SYCP1: variants seen among roughly 807,000 people sequenced by gnomAD.
The protein encoded by SYCP1 is synaptonemal complex protein 1, also known as cancer/testis antigen 8.
SYCP1 carries 64 observed loss-of-function variants against 153.1 expected under a neutral mutation model. That is an observed-to-expected ratio of 0.42 (90% CI 0.34 to 0.51). SYCP1 has a LOEUF of 0.51. Among genes scored for constraint, SYCP1 ranks in the 20% least tolerant of loss-of-function variants. The pLI is 0.06. For synonymous variants in SYCP1, 384 were observed against 341.8 expected, an observed-to-expected ratio of 1.12 and a Z score of -1.36; for missense variants, 997 against 1,049.0, an observed-to-expected ratio of 0.95 and a Z score of 0.68.
In SYCP1 at chr1:114,926,723, C is replaced by T. The variant is rs192931478; in HGVS notation, c.1926+160C>T. Among the ~76,000 whole-genome samples, 14 of 152,094 alleles carry T rather than the reference C, an allele frequency of 9.2e-5. No homozygotes were observed. The East Asian group carries it at 2.5e-3, about 27-fold the overall frequency. On this transcript the variant is annotated intron_variant, in intron 23 of 31. Coordinates refer to ENST00000369522, the MANE Select transcript of SYCP1 (RefSeq NM_003176.4). The stretch of plus-strand genomic sequence containing the variant: ...TATCTTTTTAAATAGAGGAGATCAA[C>T]TCTTTTAGTTGTAATAGAGTACACA...
chr1:114,933,808 G>A lies in SYCP1; in HGVS notation c.1926+7245G>A, dbSNP rs12070965. Among the ~76,000 whole-genome samples the A allele has an allele frequency of 3.8e-3, 583 of 152,304 alleles. 6 individuals are homozygous for A. The highest frequency in any genetic ancestry group is 0.013 in the African/African-American group (548 of 41,560). ...CGATCAAGTGGAAGAAAGGGTATCA[G>A]TGATTGAAGATCAAATGAATGAAAT... On this transcript the variant is annotated intron_variant, in intron 23 of 31. Coordinates refer to ENST00000369522, the MANE Select transcript of SYCP1 (RefSeq NM_003176.4).
intron 28 of SYCP1, among the ~76,000 whole-genome samples, chr1:114,978,130 A>G (rs555375531): frequency 1.3e-5 from 2 of 151,736 alleles, no homozygotes; most frequent in African/African-American, 2.4e-5. Flanking sequence ...AAAAGTATCA[A>G]TATTTTAAAT....
chr1:114,915,246 T>C (rs1371245038), intron 20 of SYCP1, among the ~76,000 whole-genome samples: 1 of 152,210 alleles, frequency 6.6e-6, no homozygotes, highest in Non-Finnish European at 1.5e-5. Flanking sequence ...GTTGTTTTTT[T>C]GTATTTCTTT....
At chr1:114,944,566 A>G in intron 24 of SYCP1, 111 bp downstream of exon 24, 1 of 700,130 alleles carries the variant, frequency 1.4e-6, no homozygotes, top group East Asian at 3.0e-5. Context: ...AATTTTAGAA[A>G]AGGGTTAGTA....
chr1:114,875,790 A>AT (rs1281389439), intron 9 of SYCP1, among the ~76,000 whole-genome samples: 1 of 152,214 alleles, frequency 6.6e-6, no homozygotes, highest in East Asian at 1.9e-4. Flanking sequence ...ACAGATTTTG[A>AT]TACATGCTAT....
At chr1:114,859,062 T>C (rs1343157850) in intron 6 of SYCP1, among the ~76,000 whole-genome samples, 1 of 152,150 alleles carries the variant, frequency 6.6e-6, no homozygotes. Context: ...GGTAACACTT[T>C]AAATTTGAAA....
intron 16 of SYCP1, among the ~76,000 whole-genome samples, chr1:114,896,828 A>G (rs1667098923): frequency 6.6e-6 from 1 of 152,242 alleles, no homozygotes; most frequent in African/African-American, 2.4e-5. Context: ...GGTTCTTGTC[A>G]CATGACCAGG....
At chr1:114,894,235 T>C (rs949347082) in intron 15 of SYCP1, among the ~76,000 whole-genome samples, 1 of 152,134 alleles carries the variant, frequency 6.6e-6, no homozygotes, top group Non-Finnish European at 1.5e-5. Flanking sequence ...GATTCTATAT[T>C]GACATTTTAT....
intron 8 of SYCP1, among the ~76,000 whole-genome samples, chr1:114,868,095 C>G (rs1008305511): frequency 1.3e-5 from 2 of 151,256 alleles, no homozygotes; most frequent in Non-Finnish European, 2.9e-5. Flanking sequence ...ACCTTGACTG[C>G]ATCCCATTTG....
chr1:114,857,516 CATATTAAATTTCTTGTA>C lies in SYCP1; in HGVS notation c.291+22_291+38del, dbSNP rs1664083045. 6.4e-7 allele frequency: 1 copy of C among 1,562,456 alleles called. No individual in the cohort carries two copies. The highest frequency in any genetic ancestry group is 8.7e-7 in the Non-Finnish European group (1 of 1,149,950). On this transcript the variant is annotated intron_variant, in intron 5 of 31. Transcript: ENST00000369522. ...TTTGGAGGTCAGAAGATTTCCCATT[CATATTAAATTTCTTGTA>C]ATTGGAATATAACTTATTACCTATA...
intron 15 of SYCP1, among the ~76,000 whole-genome samples, chr1:114,893,420 C>T (rs1234866927): frequency 6.6e-6 from 1 of 151,826 alleles, no homozygotes; most frequent in Non-Finnish European, 1.5e-5. Context: ...TTTGTTTCTC[C>T]CTTGCTAATT....
chr1:114,910,573 G>A (rs927849592), intron 17 of SYCP1, 72 bp downstream of exon 17: 3 of 944,838 alleles, frequency 3.2e-6, no homozygotes, highest in East Asian at 3.2e-5. Context: ...TATGGTATAA[G>A]TATTTCTTTT....
rs560664612 is a variant in SYCP1, at chr1:114,969,411, G to A, written c.2323-8146G>A. Among the ~76,000 whole-genome samples the A allele has an allele frequency of 3.3e-5, 5 of 152,236 alleles. No homozygotes were observed. In the South Asian group the frequency reaches 6.2e-4, roughly 19 times the overall value. On this transcript the variant is annotated intron_variant, in intron 27 of 31. Transcript: ENST00000369522. ...TGCTGTGGTGGGCTCTGCTTAGTTC[G>A]AACTTCCCTGTGGCTTTGTTTACAC...
rs368110669 is a variant in SYCP1 at position 114,858,568 on chromosome 1, G to C, written c.313G>C (p.Val105Leu). The change falls in exon 6 of 32, where the codon GTG (valine) becomes CTG (leucine). Residue 105 changes from valine (V) to leucine (L), a missense_variant. Transcript: ENST00000369522. ...DLENSEGLSR[V>L]YSKLYKEAEK... ...ATAGAATTCAGAGGGATTGAGCAGA[G>C]TGTATTCAAAACTGTATAAGGAGGC... 3 of 1,604,196 alleles carry C rather than the reference G, an allele frequency of 1.9e-6. No individual in the cohort carries two copies. The highest frequency in any genetic ancestry group is 2.6e-6 in the Non-Finnish European group (3 of 1,175,480).
At chr1:114,877,179 A>G (rs17544607) in intron 11 of SYCP1, among the ~76,000 whole-genome samples, 1 of 152,134 alleles carries the variant, frequency 6.6e-6, no homozygotes, top group African/African-American at 2.4e-5. Flanking sequence ...GAAATGTGCT[A>G]TTCATAATAT....
In SYCP1 at chr1:114,874,461, A is replaced by G. The variant is rs775012236; in HGVS notation, c.599-45A>G. ...GCATTTTGAGTATTGTCTTGTTGACATCTTATTTTAAAATTTAATCTTGAA... is the reference window on the plus strand; with the variant it reads ...GCATTTTGAGTATTGTCTTGTTGACGTCTTATTTTAAAATTTAATCTTGAA... On this transcript the variant is annotated intron_variant, in intron 8 of 31. Transcript: ENST00000369522. The G allele has an allele frequency of 2.6e-6, 3 of 1,165,874 alleles. No individual in the cohort carries two copies. In the African/African-American group the frequency reaches 4.7e-5, roughly 18 times the overall value. 72.2% of individuals were successfully genotyped at this position (1,165,874 alleles called of 1,614,324 possible).
intron 8 of SYCP1, among the ~76,000 whole-genome samples, chr1:114,865,656 A>G (rs939288665): frequency 2.6e-5 from 4 of 152,352 alleles, no homozygotes; most frequent in African/African-American, 9.6e-5. Context: ...ATAACTCACC[A>G]GAGTGGCATG....
intron 12 of SYCP1, among the ~76,000 whole-genome samples, chr1:114,879,623 CATAAT>C (rs1338013621): frequency 5.9e-5 from 9 of 152,082 alleles, no homozygotes; most frequent in African/African-American, 1.9e-4. Context: ...TGGTTTTGCA[CATAAT>C]ATGAGTTCAA....
intron 27 of SYCP1, among the ~76,000 whole-genome samples, chr1:114,949,503 T>A (rs1362359615): frequency 6.6e-6 from 1 of 152,208 alleles, no homozygotes; most frequent in Non-Finnish European, 1.5e-5. Context: ...CCTAGTCAGC[T>A]AAGTTAGGAG....
Sources: allele counts gnomAD v4.1 joint callset (sites outside exome capture counted in the v4.1 genomes callset), GRCh38; gene constraint gnomAD v4.1.1; transcripts MANE v1.5; gene names NCBI Gene and HGNC (gene_info 2026-07-23, HGNC 2026-07-21).